The following PCSK5 variants were observed in gnomAD, a reference collection of about 807,000 sequenced individuals.
The protein encoded by PCSK5 is proprotein convertase subtilisin/kexin type 5.
Under a neutral mutation model 233.2 loss-of-function variants are expected in PCSK5, and 129 were observed. The ratio of observed to expected loss-of-function variants is 0.55; its 90% CI spans 0.48 to 0.64. The LOEUF (loss-of-function observed/expected upper bound fraction) is 0.64, where lower values mean the gene tolerates loss of function less well. Ranked by LOEUF, PCSK5 falls within the 30% of genes least tolerant of loss-of-function variation. The pLI is 0.00. For synonymous variants in PCSK5, 825 were observed against 879.2 expected, an observed-to-expected ratio of 0.94 and a Z score of 1.09; for missense variants, 2,076 against 2,430.1, an observed-to-expected ratio of 0.85 and a Z score of 3.06.
chr9:76,138,466 C>A (rs764879397), intron 10 of PCSK5, among the ~76,000 whole-genome samples: 5 of 152,018 alleles, frequency 3.3e-5, no homozygotes, highest in African/African-American at 7.2e-5. Context: ...TCATAACCTA[C>A]GGCTTGTATC....
At chr9:76,275,843 C>A (rs1272942078) in intron 24 of PCSK5, among the ~76,000 whole-genome samples, 2 of 152,194 alleles carry the variant, frequency 1.3e-5, no homozygotes, top group East Asian at 3.8e-4. Context: ...CTATCATTCG[C>A]CACACTGTGA....
At position 75,973,712 on chromosome 9, in the gene PCSK5, A is replaced by G. The variant is rs368942234; in HGVS notation, c.298-12420A>G. Among the ~76,000 whole-genome samples the G allele has an allele frequency of 1.1e-3, 174 of 152,316 alleles. 1 individual carries two copies. In the South Asian group the frequency reaches 0.033, roughly 29 times the overall value. The stretch of plus-strand genomic sequence containing the variant: ...TAATATTAAACTGAACAAAATCTTT[A>G]AAGAGTAAAGCAGGTGCCAGAAATT... On this transcript the variant is annotated intron_variant, in intron 2 of 37. Coordinates refer to ENST00000674117, the MANE Select transcript of PCSK5 (RefSeq NM_001372043.1).
intron 37 of PCSK5, among the ~76,000 whole-genome samples, chr9:76,355,858 C>A (rs563545004): frequency 2.0e-5 from 3 of 152,158 alleles, no homozygotes; most frequent in Admixed American, 2.0e-4. Context: ...TGCCCACCAC[C>A]ACACCCGGCT....
chr9:76,082,646 CAGAGT>C (rs1272414045), intron 7 of PCSK5, among the ~76,000 whole-genome samples: 1 of 151,366 alleles, frequency 6.6e-6, no homozygotes, highest in African/African-American at 2.4e-5. Flanking sequence ...TAAGCTAGAG[CAGAGT>C]AAACAGCCCA....
In PCSK5 at chr9:76,296,806, T is replaced by A. The variant is rs368981978; in HGVS notation, c.3464T>A (p.Leu1155Gln). The change falls in exon 27 of 38, where the codon CTG becomes CAG. Residue 1155 changes from leucine to glutamine, a missense_variant. Physicochemically the swap from Leu to Gln is moderately radical, Grantham distance 113. Around this residue, in one of 6 missense-constraint regions of PCSK5, gnomAD observed 1,510 missense variants for 1,538.1 expected, o/e 0.98. Coordinates refer to ENST00000674117, the MANE Select transcript of PCSK5 (RefSeq NM_001372043.1). ...ECSSCQEGLQ[L>Q]LRGMCVHATK... is the part of the protein sequence containing the mutation. ...AGCAGCTGCCAGGAAGGACTGCAGC[T>A]GCTGCGTGGGATGTGCGTGCATGCC... The A allele has an allele frequency of 8.7e-6, 14 of 1,612,496 alleles. No individual in the cohort carries two copies. Among genetic ancestry groups the A allele is most frequent in the African/African-American group, 5.3e-5 (4 of 74,996 alleles).
At chr9:75,951,349 G>A (rs1049563406) in intron 2 of PCSK5, among the ~76,000 whole-genome samples, 4 of 152,192 alleles carry the variant, frequency 2.6e-5, no homozygotes, top group African/African-American at 7.2e-5. Flanking sequence ...TGCACTGTGA[G>A]TTAATACAGG....
intron 35 of PCSK5, among the ~76,000 whole-genome samples, chr9:76,345,245 CTCTGTCGCCCAGGCTAAAGT>C (rs1219017942): frequency 6.6e-6 from 1 of 151,082 alleles, no homozygotes; most frequent in Non-Finnish European, 1.5e-5. Context: ...CAGAGTCTTA[CTCTGTCGCCCAGGCTAAAGT>C]TCTGTCACCC....
chr9:76,197,133 G>C (rs2131263251), intron 20 of PCSK5, among the ~76,000 whole-genome samples: 2 of 152,322 alleles, frequency 1.3e-5, no homozygotes, highest in South Asian at 4.1e-4. Flanking sequence ...AAGGTGCTTA[G>C]GGAAGTAAGA....
At chr9:76,222,900 G>T (rs1481430466) in intron 20 of PCSK5, among the ~76,000 whole-genome samples, 1 of 152,108 alleles carries the variant, frequency 6.6e-6, no homozygotes, top group Admixed American at 6.6e-5. Flanking sequence ...TCACAGAATG[G>T]TATCTTAAGT....
At chr9:76,095,747 C>A in intron 7 of PCSK5, 143 bp from the exon 8 acceptor site, 1 of 670,504 alleles carries the variant, frequency 1.5e-6, no homozygotes, top group Non-Finnish European at 2.7e-6. Flanking sequence ...GCCTCTTACT[C>A]CACTCCCAGA....
chr9:76,240,047 G>T (rs1346895734), intron 23 of PCSK5, among the ~76,000 whole-genome samples: 3 of 152,130 alleles, frequency 2.0e-5, no homozygotes, highest in African/African-American at 7.2e-5. Flanking sequence ...ATGGGAAGAA[G>T]GAAATTAAAA....
At chr9:76,209,339 C>A (rs80352536) in intron 20 of PCSK5, among the ~76,000 whole-genome samples, 2,181 of 152,272 alleles carry the variant, frequency 0.014, 38 homozygotes, top group Non-Finnish European at 0.018. Context: ...TTTGCTTGCC[C>A]TGTTCAGCTT....
intron 24 of PCSK5, among the ~76,000 whole-genome samples, chr9:76,283,023 C>G: frequency 6.6e-6 from 1 of 152,140 alleles, no homozygotes; most frequent in Non-Finnish European, 1.5e-5. Context: ...GACTGAATTG[C>G]TACAATCTCA....
chr9:76,060,428 G>A (rs1409662823), intron 5 of PCSK5, among the ~76,000 whole-genome samples: 1 of 152,066 alleles, frequency 6.6e-6, no homozygotes, highest in Non-Finnish European at 1.5e-5. Context: ...CATCATAAAG[G>A]TCTGCATCCT....
chr9:76,351,892 T>TAC (rs1381650292), intron 36 of PCSK5, among the ~76,000 whole-genome samples: 1 of 152,050 alleles, frequency 6.6e-6, no homozygotes, highest in African/African-American at 2.4e-5. Flanking sequence ...GTCACTGGTC[T>TAC]ACACCACTTA....
chr9:76,259,929 G>A (rs73462424), intron 24 of PCSK5, among the ~76,000 whole-genome samples: 7,434 of 152,210 alleles, frequency 0.049, 464 homozygotes, highest in African/African-American at 0.15. Context: ...GCAGCTTGCC[G>A]CCTCTCTTCT....
At chr9:76,331,131 CCCACACCA>C (rs955450522) in intron 33 of PCSK5, among the ~76,000 whole-genome samples, 70 of 152,106 alleles carry the variant, frequency 4.6e-4, no homozygotes, top group African/African-American at 1.6e-3. Flanking sequence ...TCTACCCTGT[CCCACACCA>C]CCACACCACC....
chr9:76,302,302 C>T (rs904059519), intron 28 of PCSK5, 85 bp downstream of exon 28: 3 of 599,298 alleles, frequency 5.0e-6, no homozygotes, highest in African/African-American at 2.0e-5. Flanking sequence ...CCCCAAGAAG[C>T]TGGGAGGCCA....
At chr9:76,357,005 T>G (rs1830318357) in intron 37 of PCSK5, among the ~76,000 whole-genome samples, 1 of 152,226 alleles carries the variant, frequency 6.6e-6, no homozygotes, top group Non-Finnish European at 1.5e-5. Flanking sequence ...CTCTGGTTCT[T>G]TCATACTCCC....
Sources: allele counts gnomAD v4.1 joint callset (sites outside exome capture counted in the v4.1 genomes callset), GRCh38; gene constraint gnomAD v4.1.1; regional missense constraint gnomAD v4.1.1; transcripts MANE v1.5; gene names NCBI Gene and HGNC (gene_info 2026-07-23, HGNC 2026-07-21).